Variants in DGKB observed in about 807,000 individuals in gnomAD.
The protein encoded by DGKB is 90 kDa diacylglycerol kinase.
DGKB carries 67 observed loss-of-function variants against 114.3 expected under a neutral mutation model. The observed-to-expected ratio is 0.59, with a 90% confidence interval of 0.48 to 0.72. DGKB has a LOEUF of 0.72. DGKB is among the 30% of genes least tolerant of loss of function. The probability of loss-of-function intolerance (pLI) is 0.00; values close to 1 mark genes in which losing one functional copy is unlikely to be tolerated. For synonymous variants in DGKB, 398 were observed against 323.1 expected (o/e 1.23, Z -2.49); for missense variants, 907 against 975.2 (o/e 0.93, Z 0.93).
Position 14,469,006 on chromosome 7 carries a change from C to G in DGKB, c.1835+9155G>C, listed in dbSNP as rs74769006. ...TAATAAAATGTAAGTGTCTTGCAAA[C>G]AGAAACTAGAAATAAATATTTCTGT... On this transcript the variant is annotated intron_variant, in intron 21 of 25. Transcript: ENST00000402815. Among the ~76,000 whole-genome samples the G allele has an allele frequency of 3.7e-3, 566 of 152,098 alleles. 4 individuals carry two copies. The highest frequency in any genetic ancestry group is 0.013 in the African/African-American group (540 of 41,534).
At chr7:14,180,937 C>G (rs1433252475) in intron 23 of DGKB, among the ~76,000 whole-genome samples, 1 of 152,140 alleles carries the variant, frequency 6.6e-6, no homozygotes, top group Non-Finnish European at 1.5e-5. Context: ...GGTTTGCTAC[C>G]TGGCTGCTGG....
intron 20 of DGKB, among the ~76,000 whole-genome samples, chr7:14,490,267 A>C (rs1784419192): frequency 6.6e-6 from 1 of 152,120 alleles, no homozygotes; most frequent in Admixed American, 6.6e-5. Flanking sequence ...CTATCTCAAA[A>C]GGCTTTAGCT....
rs543473847 is a variant in DGKB at position 14,648,399 on chromosome 7, G to C, written c.1135-18131C>G. 4.1e-4 allele frequency among the ~76,000 whole-genome samples: 62 copies of C among 152,148 alleles called. No homozygotes were observed. The South Asian group carries it at 5.2e-3, about 13-fold the overall frequency. On this transcript the variant is annotated intron_variant, in intron 13 of 25. Transcript: ENST00000402815. Reference sequence around the variant, plus strand: ...AGCAGGGGCACACTCACACCTCACAGGGCAGGGTACTCCAACAGACCTGCA... The same window carrying C: ...AGCAGGGGCACACTCACACCTCACACGGCAGGGTACTCCAACAGACCTGCA...
intron 21 of DGKB, among the ~76,000 whole-genome samples, chr7:14,391,782 C>A (rs1583600034): frequency 6.6e-6 from 1 of 152,268 alleles, no homozygotes; most frequent in South Asian, 2.1e-4. Context: ...TTTAATTCTT[C>A]AGTAGTGTTC....
intron 3 of DGKB, 113 bp downstream of exon 3, chr7:14,757,542 G>A: frequency 3.3e-6 from 2 of 600,060 alleles, no homozygotes; most frequent in East Asian, 2.8e-5. Context: ...TAATGTATAT[G>A]TGTACATATA....
intron 20 of DGKB, among the ~76,000 whole-genome samples, chr7:14,559,743 C>T (rs752586867): frequency 2.6e-5 from 4 of 152,194 alleles, no homozygotes; most frequent in African/African-American, 4.8e-5. Context: ...AGCCTTGGAT[C>T]TCAAACATTT....
chr7:14,549,933 G>C (rs1794870004), intron 20 of DGKB, among the ~76,000 whole-genome samples: 1 of 151,678 alleles, frequency 6.6e-6, no homozygotes, highest in Admixed American at 6.6e-5. Context: ...AGGTTGCAGT[G>C]AGCCAAGATC....
intron 21 of DGKB, among the ~76,000 whole-genome samples, chr7:14,456,149 G>T (rs1832253664): frequency 6.6e-6 from 1 of 151,944 alleles, no homozygotes; most frequent in South Asian, 2.1e-4. Context: ...TTATTTTCAG[G>T]TTATGTGTAT....
At chr7:14,465,500 T>C (rs1247090814) in intron 21 of DGKB, among the ~76,000 whole-genome samples, 1 of 152,184 alleles carries the variant, frequency 6.6e-6, no homozygotes, top group Non-Finnish European at 1.5e-5. Context: ...AGTGATAAGA[T>C]GATCAATCAT....
chr7:14,922,881 CT>C (rs1180836124), intron 1 of DGKB, among the ~76,000 whole-genome samples: 1 of 152,154 alleles, frequency 6.6e-6, no homozygotes, highest in African/African-American at 2.4e-5. Context: ...AACATCTATT[CT>C]TTCAGCAATT....
At chr7:14,307,082 T>G (rs938612983) in intron 23 of DGKB, among the ~76,000 whole-genome samples, 2 of 152,196 alleles carry the variant, frequency 1.3e-5, no homozygotes, top group Non-Finnish European at 2.9e-5. Context: ...AACTTAATTT[T>G]CTTTTCCACC....
intron 20 of DGKB, among the ~76,000 whole-genome samples, chr7:14,494,142 T>G (rs34919207): frequency 0.34 from 51,442 of 151,798 alleles, 9,266 homozygotes; most frequent in South Asian, 0.41. Flanking sequence ...CTCTGCATAT[T>G]AAATTCTTTT....
chr7:14,957,111 G>C (rs1786550489), intron 1 of DGKB, among the ~76,000 whole-genome samples: 1 of 151,768 alleles, frequency 6.6e-6, no homozygotes, highest in South Asian at 2.1e-4. Context: ...TCAAAGTTTA[G>C]CATCTAATTA....
At chr7:14,370,274 T>C (rs1433024814) in intron 21 of DGKB, among the ~76,000 whole-genome samples, 1 of 152,178 alleles carries the variant, frequency 6.6e-6, no homozygotes, top group African/African-American at 2.4e-5. Flanking sequence ...TGGCATTATT[T>C]CCGAGGCCTC....
At chr7:14,828,179 G>C (rs1007550576) in intron 2 of DGKB, among the ~76,000 whole-genome samples, 3 of 152,054 alleles carry the variant, frequency 2.0e-5, no homozygotes, top group Non-Finnish European at 2.9e-5. Flanking sequence ...ACATTAGAGA[G>C]GAAGGCTTAG....
chr7:14,530,970 T>G (rs1443164447), intron 20 of DGKB, among the ~76,000 whole-genome samples: 2 of 151,500 alleles, frequency 1.3e-5, no homozygotes, highest in Non-Finnish European at 3.0e-5. Flanking sequence ...CTATAAAATA[T>G]GAAATACCAT....
chr7:14,511,688 G>C (rs1482407267), intron 20 of DGKB, among the ~76,000 whole-genome samples: 3 of 152,110 alleles, frequency 2.0e-5, no homozygotes, highest in Admixed American at 6.5e-5. Flanking sequence ...AGTATCTCTT[G>C]GCTTTCAAAA....
chr7:14,233,530 C>T (rs1792245779), intron 23 of DGKB, among the ~76,000 whole-genome samples: 1 of 152,062 alleles, frequency 6.6e-6, no homozygotes, highest in Admixed American at 6.6e-5. Context: ...ACTAATGACT[C>T]TTCCCTTAGT....
chr7:14,480,111 A>G (rs1782765773), intron 20 of DGKB, among the ~76,000 whole-genome samples: 1 of 152,104 alleles, frequency 6.6e-6, no homozygotes, highest in Non-Finnish European at 1.5e-5. Flanking sequence ...CATAAACAGA[A>G]TAGAGAAAGG....
Sources: allele counts gnomAD v4.1 joint callset (sites outside exome capture counted in the v4.1 genomes callset), GRCh38; gene constraint gnomAD v4.1.1; transcripts MANE v1.5; gene names NCBI Gene and HGNC (gene_info 2026-07-23, HGNC 2026-07-21).